SPATA17: variants seen among roughly 807,000 people sequenced by gnomAD.
SPATA17 encodes the protein spermatogenesis-associated protein 17.
A neutral mutation model predicts 62.2 loss-of-function variants in SPATA17; 53 were observed. That is an observed-to-expected ratio of 0.85 (90% CI 0.68 to 1.07). SPATA17 has a LOEUF of 1.07. Among genes scored for constraint, SPATA17 ranks in the 50% least tolerant of loss-of-function variants. The pLI, the probability that SPATA17 is intolerant of heterozygous loss-of-function variation, is 0.00. For synonymous variants in SPATA17, 146 were observed against 146.8 expected (o/e 0.99, Z 0.04); for missense variants, 466 against 425.5 (o/e 1.10, Z -0.84).
At chr1:217,824,887 A>G (rs1674952282) in intron 9 of SPATA17, among the ~76,000 whole-genome samples, 2 of 150,968 alleles carry the variant, frequency 1.3e-5, no homozygotes, top group African/African-American at 4.8e-5. Context: ...AAAGATGTAA[A>G]TATCCTACAA....
chr1:217,675,204 G>A (rs1670920322), intron 4 of SPATA17, among the ~76,000 whole-genome samples: 1 of 152,176 alleles, frequency 6.6e-6, no homozygotes, highest in Admixed American at 6.5e-5. Flanking sequence ...CCAAGAGTGA[G>A]ATTACAGTGT....
At chr1:217,664,803 C>A (rs1436390599) in intron 3 of SPATA17, among the ~76,000 whole-genome samples, 1 of 151,602 alleles carries the variant, frequency 6.6e-6, no homozygotes, top group Non-Finnish European at 1.5e-5. Context: ...TTGAAAGTAC[C>A]CTTTGGAGTT....
chr1:217,845,631 G>T (rs566096831), intron 9 of SPATA17, among the ~76,000 whole-genome samples: 2 of 152,084 alleles, frequency 1.3e-5, no homozygotes, highest in East Asian at 3.9e-4. Flanking sequence ...CTTTCTTGAA[G>T]AGATTAAAAT....
intron 9 of SPATA17, among the ~76,000 whole-genome samples, chr1:217,815,881 C>T (rs1674700024): frequency 6.6e-6 from 1 of 152,180 alleles, no homozygotes; most frequent in Non-Finnish European, 1.5e-5. Context: ...TAAATTCACC[C>T]TTCCCCCAAC....
rs1042981219 is a variant in SPATA17, at chr1:217,740,334, C to T, written c.396-1641C>T. On this transcript the variant is annotated intron_variant, in intron 5 of 10. Coordinates refer to ENST00000366933, the MANE Select transcript of SPATA17 (RefSeq NM_138796.4). ...TAATTATCTTTATAGTGGTAGTTCT[C>T]TGGTTAATTTTTATTTTTTTCATAA... is the stretch of plus-strand genomic sequence containing the variant. 5.3e-5 allele frequency among the ~76,000 whole-genome samples: 8 copies of T among 151,674 alleles called. 1 individual carries two copies. The highest frequency in any genetic ancestry group is 3.9e-4 in the Admixed American group (6 of 15,214).
At chr1:217,855,260 C>G (rs1267029071) in intron 9 of SPATA17, among the ~76,000 whole-genome samples, 1 of 152,146 alleles carries the variant, frequency 6.6e-6, no homozygotes, top group Non-Finnish European at 1.5e-5. Flanking sequence ...TTCATATAGC[C>G]TTTCTCCTTT....
chr1:217,657,650 A>C lies in SPATA17; in HGVS notation c.240+6472A>C, dbSNP rs1268583594. Among the ~76,000 whole-genome samples, 3 of 152,336 alleles carry C rather than the reference A, an allele frequency of 2.0e-5. No homozygotes were observed. The East Asian group carries it at 5.8e-4, about 29-fold the overall frequency. On this transcript the variant is annotated intron_variant, in intron 3 of 10. Transcript: ENST00000366933. ...ATATACAATAATAACAATGTCATAC[A>C]GTATATGATTAAGTTATAAAATGAA...
chr1:217,694,740 C>T (rs890631802), intron 5 of SPATA17, among the ~76,000 whole-genome samples: 1 of 150,242 alleles, frequency 6.7e-6, no homozygotes, highest in Non-Finnish European at 1.5e-5. Flanking sequence ...TTTATTTCTC[C>T]TTCACTTATG....
intron 7 of SPATA17, among the ~76,000 whole-genome samples, chr1:217,774,887 A>G (rs1673550444): frequency 6.6e-6 from 1 of 152,138 alleles, no homozygotes; most frequent in African/African-American, 2.4e-5. Context: ...CATTTTGTTT[A>G]TCCATTTATC....
chr1:217,808,716 G>A (rs1400651589), intron 9 of SPATA17, among the ~76,000 whole-genome samples: 1 of 152,054 alleles, frequency 6.6e-6, no homozygotes, highest in Non-Finnish European at 1.5e-5. Context: ...GCAGCTGGGT[G>A]TGGTGGTGCA....
chr1:217,648,512 A>G (rs1162283737), intron 1 of SPATA17, among the ~76,000 whole-genome samples: 1 of 152,236 alleles, frequency 6.6e-6, no homozygotes, highest in Non-Finnish European at 1.5e-5. Context: ...CTTGCATGAT[A>G]CATGTGTAGT....
intron 3 of SPATA17, among the ~76,000 whole-genome samples, chr1:217,658,506 C>T (rs900180614): frequency 6.6e-6 from 1 of 152,114 alleles, no homozygotes; most frequent in African/African-American, 2.4e-5. Context: ...CACCTGTAAT[C>T]CCAGGACTTT....
intron 8 of SPATA17, among the ~76,000 whole-genome samples, chr1:217,799,943 A>G (rs1674263644): frequency 6.6e-6 from 1 of 152,020 alleles, no homozygotes; most frequent in African/African-American, 2.4e-5. Flanking sequence ...TTTATTTCCC[A>G]GAGCTTCCAC....
chr1:217,824,984 CAA>C (rs1674954825), intron 9 of SPATA17, among the ~76,000 whole-genome samples: 1 of 150,260 alleles, frequency 6.7e-6, no homozygotes, highest in Non-Finnish European at 1.5e-5. Flanking sequence ...ACATACAATT[CAA>C]ATATAAATAC....
intron 5 of SPATA17, among the ~76,000 whole-genome samples, chr1:217,716,127 C>T (rs1671998122): frequency 6.6e-6 from 1 of 152,052 alleles, no homozygotes; most frequent in Admixed American, 6.6e-5. Flanking sequence ...CCAACAAATG[C>T]AATATGCTAA....
At chr1:217,808,157 A>T (rs763951213) in intron 9 of SPATA17, among the ~76,000 whole-genome samples, 20 of 152,188 alleles carry the variant, frequency 1.3e-4, no homozygotes, top group African/African-American at 4.8e-4. Flanking sequence ...CATGGAAAGA[A>T]CAAAGTCTCC....
chr1:217,744,888 A>T (rs531342564), intron 6 of SPATA17, among the ~76,000 whole-genome samples: 2 of 152,302 alleles, frequency 1.3e-5, no homozygotes, highest in South Asian at 2.1e-4. Flanking sequence ...TGTGATGAGG[A>T]TTAAATGTAA....
chr1:217,753,416 C>A lies in SPATA17; in HGVS notation c.519+11318C>A, dbSNP rs147230569. Among the ~76,000 whole-genome samples the A allele has an allele frequency of 7.3e-3, 1,106 of 152,112 alleles. 15 individuals carry two copies. Among genetic ancestry groups the A allele is most frequent in the Non-Finnish European group, 8.9e-3 (603 of 67,994 alleles). On this transcript the variant is annotated intron_variant, in intron 6 of 10. Coordinates refer to ENST00000366933, the MANE Select transcript of SPATA17 (RefSeq NM_138796.4). ...TTAAGTAAACCTTATCATTTTAGGC[C>A]TATCTTTCTTTAAAGCTGAAGCACC... is the stretch of plus-strand genomic sequence containing the variant.
At chr1:217,737,827 C>CT (rs35634441) in intron 5 of SPATA17, 64,554 of 138,260 alleles carry the variant, frequency 0.47, 16,008 homozygotes, top group Non-Finnish European at 0.58. Context: ...TGCTTGTTGT[C>CT]TTTTTTTTTT....
Sources: gnomAD v4.1 joint callset for allele counts (sites outside exome capture counted in the v4.1 genomes callset) on GRCh38, gnomAD v4.1.1 for gene constraint, MANE v1.5 for transcripts, NCBI Gene and HGNC (gene_info 2026-07-23, HGNC 2026-07-21) for gene names.